WWC2: variants seen among roughly 807,000 people sequenced by gnomAD.
WWC2 encodes WW and C2 domain containing 2.
Under a neutral mutation model 138.5 loss-of-function variants are expected in WWC2, and 101 were observed. The ratio of observed to expected loss-of-function variants is 0.73; its 90% CI spans 0.62 to 0.86. WWC2 has a LOEUF of 0.86. WWC2 is among the 40% of genes least tolerant of loss of function. WWC2 has a pLI of 0.00. For synonymous variants in WWC2, 558 were observed against 538.4 expected (o/e 1.04, Z -0.50); for missense variants, 1,420 against 1,419.4 (o/e 1.00, Z -0.01).
rs141769158 is a variant in WWC2, at chr4:183,193,432, C to T, written c.132-167C>T. On this transcript the variant is annotated intron_variant, in intron 1 of 22. Coordinates refer to ENST00000403733, the MANE Select transcript of WWC2 (RefSeq NM_024949.6). Reference sequence around the variant, plus strand: ...GCAGTGAACTTTCAAAAGGGTATTACGACTTGTCCTACTTTTTTGGATATA... The same window carrying T: ...GCAGTGAACTTTCAAAAGGGTATTATGACTTGTCCTACTTTTTTGGATATA... Among the ~76,000 whole-genome samples, 214 of 151,880 alleles carry T rather than the reference C, an allele frequency of 1.4e-3. 1 individual carries two copies. The highest frequency in any genetic ancestry group is 4.9e-3 in the African/African-American group (203 of 41,436).
intron 21 of WWC2, among the ~76,000 whole-genome samples, chr4:183,307,142 T>C (rs1397941): frequency 0.08 from 12,243 of 152,248 alleles, 695 homozygotes; most frequent in Non-Finnish European, 0.12. Context: ...CTGTCTGTTT[T>C]TACCACAGTG....
At chr4:183,309,271 G>A (rs1375097826) in intron 21 of WWC2, among the ~76,000 whole-genome samples, 1 of 152,146 alleles carries the variant, frequency 6.6e-6, no homozygotes, top group Non-Finnish European at 1.5e-5. Flanking sequence ...ACTTCTCTGT[G>A]AAAGACACTG....
intron 16 of WWC2, 22 bp downstream of exon 16, chr4:183,271,263 A>G (rs192994312): frequency 1.3e-6 from 2 of 1,583,850 alleles, no homozygotes; most frequent in East Asian, 2.3e-5. Context: ...TTAGAGTATA[A>G]TATGAAAGTA....
intron 16 of WWC2, among the ~76,000 whole-genome samples, chr4:183,280,237 T>TTG (rs1371475187): frequency 6.9e-6 from 1 of 145,462 alleles, no homozygotes; most frequent in Non-Finnish European, 1.5e-5. Context: ...CTGTTTTTTT[T>TTG]TTTTTTTTTT....
chr4:183,249,582 C>G (rs1736908859), intron 7 of WWC2, among the ~76,000 whole-genome samples: 1 of 152,148 alleles, frequency 6.6e-6, no homozygotes, highest in South Asian at 2.1e-4. Context: ...AAAATTAGTT[C>G]CAGTTCATAA....
intron 2 of WWC2, among the ~76,000 whole-genome samples, chr4:183,194,136 A>T (rs1336477906): frequency 3.3e-5 from 5 of 152,188 alleles, no homozygotes; most frequent in African/African-American, 1.2e-4. Context: ...GGCCTGCATC[A>T]GTGGCTCTGG....
chr4:183,254,739 G>A (rs1048428373), intron 9 of WWC2, among the ~76,000 whole-genome samples: 2 of 152,166 alleles, frequency 1.3e-5, no homozygotes, highest in African/African-American at 4.8e-5. Flanking sequence ...GAGAACGACC[G>A]CATGTACATC....
At chr4:183,174,605 T>C (rs1734402804) in intron 1 of WWC2, among the ~76,000 whole-genome samples, 1 of 152,232 alleles carries the variant, frequency 6.6e-6, no homozygotes. Flanking sequence ...TAAATCTGTG[T>C]AGTGTTTACT....
In WWC2 at chr4:183,282,817, G is replaced by A; in HGVS notation, c.2794G>A (p.Val932Met). Residue 932 changes from valine to methionine, a missense_variant, in exon 18 of 23, where the codon GTG (valine) becomes ATG (methionine). Val to Met is a conservative substitution (Grantham distance 21, BLOSUM62 1). Coordinates refer to ENST00000403733, the MANE Select transcript of WWC2 (RefSeq NM_024949.6). The stretch of plus-strand genomic sequence containing the variant: ...AGAAGATTTAAGTTCATGCACTAGT[G>A]TGCCTGAGATGAATGAAGACGGGAA... The part of the protein sequence containing the change: ...CTEDLSSCTS[V>M]PEMNEDGNRK... 2 of 1,590,220 alleles carry A rather than the reference G, an allele frequency of 1.3e-6. No homozygotes were observed. The highest frequency in any genetic ancestry group is 1.7e-6 in the Non-Finnish European group (2 of 1,167,812).
chr4:183,250,972 A>G (rs1016483890), intron 8 of WWC2, among the ~76,000 whole-genome samples: 9 of 152,212 alleles, frequency 5.9e-5, no homozygotes, highest in African/African-American at 1.2e-4. Context: ...ATTCACCTCT[A>G]TGTAACCTGT....
At chr4:183,275,048 C>T (rs1737805751) in intron 16 of WWC2, among the ~76,000 whole-genome samples, 1 of 152,098 alleles carries the variant, frequency 6.6e-6, no homozygotes, top group Non-Finnish European at 1.5e-5. Context: ...ACTTGATGTT[C>T]CTGTTGAATA....
At chr4:183,183,024 GAGA>G (rs1275549068) in intron 1 of WWC2, among the ~76,000 whole-genome samples, 1 of 152,188 alleles carries the variant, frequency 6.6e-6, no homozygotes, top group African/African-American at 2.4e-5. Flanking sequence ...GCTAGAGAGC[GAGA>G]AGAAGGCAGG....
At chr4:183,308,141 G>C (rs1739084085) in intron 21 of WWC2, among the ~76,000 whole-genome samples, 2 of 152,148 alleles carry the variant, frequency 1.3e-5, no homozygotes, top group South Asian at 4.1e-4. Flanking sequence ...TATCCAAAAA[G>C]TGAAATACTT....
intron 21 of WWC2, among the ~76,000 whole-genome samples, chr4:183,302,511 C>T (rs1738878407): frequency 6.6e-6 from 1 of 152,122 alleles, no homozygotes; most frequent in African/African-American, 2.4e-5. Flanking sequence ...GAGTCAATGT[C>T]GACGTCGATC....
intron 15 of WWC2, 111 bp from the exon 16 acceptor site, chr4:183,270,969 C>A: frequency 2.0e-6 from 2 of 1,011,594 alleles, no homozygotes; most frequent in Non-Finnish European, 1.3e-6. Flanking sequence ...GTTTTTTTTA[C>A]CCTAAAACAA....
At chr4:183,304,161 G>T (rs948967814) in intron 21 of WWC2, among the ~76,000 whole-genome samples, 3 of 152,002 alleles carry the variant, frequency 2.0e-5, no homozygotes, top group African/African-American at 4.8e-5. Context: ...GAGAGGTGAG[G>T]TCATAGGGCA....
intron 2 of WWC2, among the ~76,000 whole-genome samples, chr4:183,206,535 G>C (rs920197615): frequency 9.2e-5 from 14 of 152,160 alleles, no homozygotes; most frequent in Non-Finnish European, 1.8e-4. Context: ...AAAGTGCATA[G>C]ACTGAAATAA....
chr4:183,151,621 A>G (rs1579990307), intron 1 of WWC2, among the ~76,000 whole-genome samples: 3 of 152,308 alleles, frequency 2.0e-5, no homozygotes, highest in Non-Finnish European at 2.9e-5. Context: ...GTCCATGCCT[A>G]TGTCCTGAAT....
intron 1 of WWC2, among the ~76,000 whole-genome samples, chr4:183,140,328 G>A (rs1733264057): frequency 6.6e-6 from 1 of 152,192 alleles, no homozygotes; most frequent in African/African-American, 2.4e-5. Context: ...TCTGAATCAT[G>A]TGGGCTCCCG....
Sources: allele counts gnomAD v4.1 joint callset (sites outside exome capture counted in the v4.1 genomes callset), GRCh38; gene constraint gnomAD v4.1.1; transcripts MANE v1.5; gene names NCBI Gene and HGNC (gene_info 2026-07-23, HGNC 2026-07-21).